MYO5A: variants seen among roughly 807,000 people sequenced by gnomAD.
MYO5A encodes the protein unconventional myosin-Va.
In MYO5A, 98 loss-of-function variants were observed where a neutral mutation model predicts 249.7. That is an observed-to-expected ratio of 0.39 (90% CI 0.33 to 0.46). The LOEUF (loss-of-function observed/expected upper bound fraction) is 0.46, where lower values mean the gene tolerates loss of function less well. MYO5A is among the 20% of genes least tolerant of loss of function. MYO5A has a pLI of 0.98. For synonymous variants in MYO5A, 778 were observed against 810.6 expected, an observed-to-expected ratio of 0.96 and a Z score of 0.68; for missense variants, 1,696 against 2,308.8, an observed-to-expected ratio of 0.73 and a Z score of 5.44.
At chr15:52,518,193 C>T (rs1169586853) in intron 1 of MYO5A, among the ~76,000 whole-genome samples, 1 of 148,410 alleles carries the variant, frequency 6.7e-6, no homozygotes, top group African/African-American at 2.5e-5. Flanking sequence ...GAGGGTGCTA[C>T]TGGATCTCAT....
chr15:52,371,984 C>T lies in MYO5A; in HGVS notation c.2817+140G>A, dbSNP rs111991586. ...TATGAGTTCATAAGTACTTCCATGCCCATTATGGAAATAAATACGGTCATA... is the reference window on the plus strand; with the variant it reads ...TATGAGTTCATAAGTACTTCCATGCTCATTATGGAAATAAATACGGTCATA... On this transcript the variant is annotated intron_variant, in intron 21 of 41. Transcript: ENST00000399233. 3,064 of 1,195,422 alleles carry T rather than the reference C, an allele frequency of 2.6e-3. 38 individuals are homozygous for T. The African/African-American group carries it at 0.029, about 11-fold the overall frequency. The allele number at this position is 1,195,422 out of a possible 1,614,324, so 74.1% of individuals were successfully genotyped here.
At chr15:52,347,364 C>A (rs1038131082) in intron 29 of MYO5A, among the ~76,000 whole-genome samples, 5 of 152,116 alleles carry the variant, frequency 3.3e-5, no homozygotes, top group Admixed American at 2.6e-4. Flanking sequence ...TGCTGTGTAG[C>A]CTCTAAAAAA....
intron 25 of MYO5A, among the ~76,000 whole-genome samples, chr15:52,358,564 GGGCCA>G: frequency 6.6e-6 from 1 of 152,218 alleles, no homozygotes; most frequent in South Asian, 2.1e-4. Flanking sequence ...AACTAACACT[GGGCCA>G]GTTCTGGGCC....
Position 52,387,832 on chromosome 15 carries a change from G to C in MYO5A, c.1749C>G (p.Ser583Arg). 3 of 1,596,482 alleles carry C rather than the reference G, an allele frequency of 1.9e-6. No individual in the cohort carries two copies. Among genetic ancestry groups the C allele is most frequent in the Non-Finnish European group, 8.6e-7 (1 of 1,164,488 alleles). The change falls in exon 14 of 42, where the codon AGC becomes AGG. Residue 583 changes from serine (S) to arginine (R), a missense_variant. By Grantham distance (110) the Ser-to-Arg change is moderately radical (BLOSUM62 -1). Around this residue, in one of 5 missense-constraint regions of MYO5A, gnomAD observed 277 missense variants for 422.4 expected, o/e 0.66. Coordinates refer to ENST00000399233, the MANE Select transcript of MYO5A (RefSeq NM_001382347.1). ...GAGTAAGCCTATCCATAGTTACCTTGCTTGATTTAAGAACTTTAATTTGTT... is the reference window on the plus strand; with the variant it reads ...GAGTAAGCCTATCCATAGTTACCTTCCTTGATTTAAGAACTTTAATTTGTT... ...FEEQIKVLKS[S>R]KFKMLPELFQ...
At chr15:52,463,665 C>G (rs1259948154) in intron 1 of MYO5A, among the ~76,000 whole-genome samples, 1 of 152,170 alleles carries the variant, frequency 6.6e-6, no homozygotes, top group African/African-American at 2.4e-5. Context: ...CTGAAATAAT[C>G]AGCTACCAAC....
intron 1 of MYO5A, among the ~76,000 whole-genome samples, chr15:52,443,685 G>C (rs2075830325): frequency 6.8e-6 from 1 of 146,066 alleles, no homozygotes; most frequent in Non-Finnish European, 1.5e-5. Context: ...TTTAGCCTGG[G>C]CGACAGGGCA....
chr15:52,369,131 T>C (rs2040967739), intron 22 of MYO5A, among the ~76,000 whole-genome samples: 1 of 152,192 alleles, frequency 6.6e-6, no homozygotes, highest in South Asian at 2.1e-4. Context: ...TAGGAGGAAT[T>C]ACTTTACTGG....
chr15:52,381,536 A>G (rs147814175), intron 16 of MYO5A, among the ~76,000 whole-genome samples: 9 of 152,288 alleles, frequency 5.9e-5, no homozygotes, highest in African/African-American at 2.2e-4. Flanking sequence ...AGACAAATAT[A>G]CAAAAATGTT....
chr15:52,522,358 T>C (rs1259737329), intron 1 of MYO5A, among the ~76,000 whole-genome samples: 1 of 152,156 alleles, frequency 6.6e-6, no homozygotes, highest in Non-Finnish European at 1.5e-5. Context: ...ATAAAGTTGA[T>C]GAAAGATTGG....
At chr15:52,362,392 C>G (rs534453333) in intron 24 of MYO5A, among the ~76,000 whole-genome samples, 54 of 152,252 alleles carry the variant, frequency 3.5e-4, no homozygotes, top group African/African-American at 1.3e-3. Context: ...TTTAGTTGTA[C>G]CTAAACATTA....
chr15:52,418,542 G>T (rs1372477619), intron 4 of MYO5A, among the ~76,000 whole-genome samples: 1 of 152,168 alleles, frequency 6.6e-6, no homozygotes. Flanking sequence ...GAGATGTGAG[G>T]AGGAGATGTC....
chr15:52,505,437 T>C (rs1483963453), intron 1 of MYO5A: 3 of 869,652 alleles, frequency 3.4e-6, no homozygotes, highest in Non-Finnish European at 6.0e-6. Flanking sequence ...GTCCTGCAGA[T>C]GTGGAAGACA....
At chr15:52,392,732 T>C (rs1378745537) in intron 11 of MYO5A, among the ~76,000 whole-genome samples, 2 of 152,248 alleles carry the variant, frequency 1.3e-5, no homozygotes, top group Admixed American at 6.5e-5. Context: ...CATAAAAATA[T>C]GTATTAACTG....
chr15:52,420,612 G>C (rs1335258773), intron 4 of MYO5A, among the ~76,000 whole-genome samples: 1 of 152,118 alleles, frequency 6.6e-6, no homozygotes, highest in Non-Finnish European at 1.5e-5. Context: ...TTATATACCA[G>C]TATAAAACAG....
chr15:52,351,215 G>A, intron 28 of MYO5A, 39 bp downstream of exon 28: 1 of 1,531,462 alleles, frequency 6.5e-7, no homozygotes, highest in South Asian at 1.1e-5. Context: ...ATTGAGGCCA[G>A]TCCCCGAACA....
chr15:52,483,174 C>T (rs1422988745), intron 1 of MYO5A, among the ~76,000 whole-genome samples: 1 of 152,210 alleles, frequency 6.6e-6, no homozygotes, highest in African/African-American at 2.4e-5. Context: ...ATACTTGTTA[C>T]AGAAATCCCC....
Position 52,524,352 on chromosome 15 carries a change from G to C in MYO5A, c.27+4428C>G, listed in dbSNP as rs1371146246. On this transcript the variant is annotated intron_variant, in intron 1 of 41. Transcript: ENST00000399233. Reference sequence around the variant, plus strand: ...GAGAATCATTTGACCTGAGGAGTTAGAGATCAGCCTGGGCAACACAGCAAG... The same window carrying C: ...GAGAATCATTTGACCTGAGGAGTTACAGATCAGCCTGGGCAACACAGCAAG... Among the ~76,000 whole-genome samples, 3 of 152,172 alleles carry C rather than the reference G, an allele frequency of 2.0e-5. No individual in the cohort carries two copies. In the East Asian group the frequency reaches 5.8e-4, roughly 29 times the overall value.
chr15:52,460,157 C>T (rs1290701665), intron 1 of MYO5A, among the ~76,000 whole-genome samples: 1 of 150,956 alleles, frequency 6.6e-6, no homozygotes, highest in Non-Finnish European at 1.5e-5. Flanking sequence ...CTCCTCACTT[C>T]CCAGACTGGG....
At chr15:52,527,727 G>A (rs1233329339) in intron 1 of MYO5A, among the ~76,000 whole-genome samples, 1 of 152,208 alleles carries the variant, frequency 6.6e-6, no homozygotes, top group East Asian at 1.9e-4. Flanking sequence ...TTGATGCCCA[G>A]TCTTCTTTCC....
Sources: allele counts gnomAD v4.1 joint callset (sites outside exome capture counted in the v4.1 genomes callset), GRCh38; gene constraint gnomAD v4.1.1; regional missense constraint gnomAD v4.1.1; transcripts MANE v1.5; gene names NCBI Gene and HGNC (gene_info 2026-07-23, HGNC 2026-07-21).